TINAGL1: variants seen among roughly 807,000 people sequenced by gnomAD.
TINAGL1 encodes tubulointerstitial nephritis antigen like 1.
A neutral mutation model predicts 62.0 loss-of-function variants in TINAGL1; 34 were observed. That is an observed-to-expected ratio of 0.55 (90% CI 0.42 to 0.73). The LOEUF (loss-of-function observed/expected upper bound fraction) is 0.73, where lower values mean the gene tolerates loss of function less well. TINAGL1 is among the 30% of genes least tolerant of loss of function. TINAGL1 has a pLI of 0.00. For missense variants in TINAGL1, 516 were observed against 653.2 expected (o/e 0.79, Z 2.29); for synonymous variants, 221 against 249.7 (o/e 0.88, Z 1.08).
intron 10 of TINAGL1, 92 bp from the exon 11 acceptor site, chr1:31,586,618 A>G: frequency 6.7e-7 from 1 of 1,482,678 alleles, no homozygotes; most frequent in Non-Finnish European, 9.2e-7. Flanking sequence ...CTCCAAAGGC[A>G]ACTGGGGGCT....
chr1:31,580,323 C>A, intron 3 of TINAGL1: 1 of 1,271,484 alleles, frequency 7.9e-7, no homozygotes, highest in Non-Finnish European at 1.0e-6. Context: ...CTACCACCGG[C>A]CCTGCCTGGA....
chr1:31,579,164 C>G (rs372280082), intron 2 of TINAGL1, 40 bp from the exon 3 acceptor site: 10 of 1,577,094 alleles, frequency 6.3e-6, no homozygotes, highest in Non-Finnish European at 8.7e-6. Flanking sequence ...CCCATCCTCT[C>G]TGGTTCTGGT....
rs1453927434 is a variant in TINAGL1, at chr1:31,583,143, C to T, written c.375-6C>T. 1.2e-6 allele frequency: 2 copies of T among 1,613,962 alleles called. No homozygotes were observed. Among genetic ancestry groups the T allele is most frequent in the Non-Finnish European group, 1.7e-6 (2 of 1,179,954 alleles). ...TTACCCTTTCCTTCTCTCCTTTTCT[C>T]ACCAGCACCTGCCAGGAGAACAGGC... is the stretch of plus-strand genomic sequence containing the variant. On this transcript the variant is annotated splice_polypyrimidine_tract_variant and splice_region_variant and intron_variant, in intron 3 of 11. Coordinates refer to ENST00000271064, the MANE Select transcript of TINAGL1 (RefSeq NM_022164.3). This position sits in a 1 kb window ranked among gnomAD's most constrained non-coding sequence, Gnocchi z 4.4.
intron 2 of TINAGL1, chr1:31,578,069 C>T (rs1439150959): frequency 9.8e-6 from 8 of 819,930 alleles, no homozygotes; most frequent in Non-Finnish European, 1.2e-5. Flanking sequence ...TCCCACTCCC[C>T]ATCTCCAAGC....
In TINAGL1 at chr1:31,577,774, G is replaced by A. The variant is rs1450481455; in HGVS notation, c.310+316G>A. On this transcript the variant is annotated intron_variant, in intron 2 of 11. Transcript: ENST00000271064. The surrounding 1 kb of genome is among the most constrained non-coding windows in gnomAD (Gnocchi z 5.4). Reference sequence around the variant, plus strand: ...ATAAGGCACATATGGGTTGGTGAGGGTCATCTTAGCCATTTTTCTGCCTTT... The same window carrying A: ...ATAAGGCACATATGGGTTGGTGAGGATCATCTTAGCCATTTTTCTGCCTTT... 1 of 309,090 alleles carries A rather than the reference G, an allele frequency of 3.2e-6. No homozygotes were observed. Among genetic ancestry groups the A allele is most frequent in the Non-Finnish European group, 5.9e-6 (1 of 168,222 alleles). The allele number at this position is 309,090 out of a possible 1,614,324, so 19.1% of individuals were successfully genotyped here.
chr1:31,578,683 T>TGA (rs1469774929), intron 2 of TINAGL1, among the ~76,000 whole-genome samples: 1 of 133,436 alleles, frequency 7.5e-6, no homozygotes, highest in Admixed American at 7.4e-5. Context: ...TGTGTGTGTG[T>TGA]GATGTCTTCA....
At chr1:31,579,117 T>G in intron 2 of TINAGL1, 87 bp from the exon 3 acceptor site, 1 of 964,736 alleles carries the variant, frequency 1.0e-6, no homozygotes, top group South Asian at 1.4e-5. Flanking sequence ...CTTGGAAAGG[T>G]TCAAGGTACC....
chr1:31,577,217 G>C lies in TINAGL1; in HGVS notation c.69G>C (p.Gln23His). 6.2e-7 allele frequency: 1 copy of C among 1,601,472 alleles called. No individual in the cohort carries two copies. The highest frequency in any genetic ancestry group is 8.5e-7 in the Non-Finnish European group (1 of 1,175,286). ...CTGGCCACTTGGCTCTGGGTGCCCA[G>C]CAGGGTCGTGGGCGCCGGGAGCTAG... ...PLAGHLALGA[Q>H]QGRGRRELAP... Residue 23 changes from glutamine to histidine, a missense_variant, in exon 2 of 12, where the codon CAG (glutamine) becomes CAC (histidine). Transcript: ENST00000271064. The surrounding 1 kb of genome is among the most constrained non-coding windows in gnomAD (Gnocchi z 5.4).
intron 3 of TINAGL1, among the ~76,000 whole-genome samples, 186 bp from the exon 4 acceptor site, chr1:31,582,963 A>C (rs915787529): frequency 6.6e-6 from 1 of 152,132 alleles, no homozygotes; most frequent in African/African-American, 2.4e-5. Context: ...TGGGCCACAG[A>C]TATAAACTTG....
At chr1:31,581,367 G>A (rs921755226) in intron 3 of TINAGL1, among the ~76,000 whole-genome samples, 1 of 152,152 alleles carries the variant, frequency 6.6e-6, no homozygotes, top group Non-Finnish European at 1.5e-5. Context: ...GGTGATGAGG[G>A]ACGGGAGTAG....
chr1:31,584,720 G>T lies in TINAGL1; in HGVS notation c.625G>T (p.Ala209Ser). ...PGEVLPTAFEASEKWPNLIHE... is the reference protein window; with the variant it reads ...PGEVLPTAFESSEKWPNLIHE... Reference sequence around the variant, plus strand: ...GGAGGTGCTTCCCACAGCCTTCGAGGCCTCTGAGAAGTGGCCCAACCTGAT... The same window carrying T: ...GGAGGTGCTTCCCACAGCCTTCGAGTCCTCTGAGAAGTGGCCCAACCTGAT... Residue 209 changes from alanine (A) to serine (S), a missense_variant, in exon 6 of 12, where the codon GCC becomes TCC. Physicochemically the swap from Ala to Ser is moderately conservative, Grantham distance 99 (BLOSUM62 1). Coordinates refer to ENST00000271064, the MANE Select transcript of TINAGL1 (RefSeq NM_022164.3). The surrounding 1 kb of genome is among the most constrained non-coding windows in gnomAD (Gnocchi z 4.0). The T allele has an allele frequency of 3.1e-6, 5 of 1,614,172 alleles. No homozygotes were observed. The highest frequency in any genetic ancestry group is 4.2e-6 in the Non-Finnish European group (5 of 1,180,044).
At chr1:31,582,230 A>G (rs529471156) in intron 3 of TINAGL1, among the ~76,000 whole-genome samples, 1 of 151,804 alleles carries the variant, frequency 6.6e-6, no homozygotes, top group African/African-American at 2.4e-5. Context: ...TAGGAGGCTG[A>G]GGTGGGAGGG....
intron 3 of TINAGL1, chr1:31,580,370 G>A: frequency 7.8e-7 from 1 of 1,288,010 alleles, no homozygotes; most frequent in Non-Finnish European, 1.0e-6. Flanking sequence ...GGAGGAGATG[G>A]CAGGAAAGGA....
At chr1:31,579,590 G>A (rs763289128) in intron 3 of TINAGL1, among the ~76,000 whole-genome samples, 59 of 152,222 alleles carry the variant, frequency 3.9e-4, no homozygotes, top group Non-Finnish European at 6.8e-4. Context: ...GTCAGAGGGA[G>A]AAGGGGGCGC....
At position 31,584,100 on chromosome 1, in the gene TINAGL1, C is replaced by G. The variant is rs977955194; in HGVS notation, c.582+525C>G. The G allele has an allele frequency of 6.0e-6, 1 of 168,016 alleles. No individual in the cohort carries two copies. The highest frequency in any genetic ancestry group is 2.4e-5 in the African/African-American group (1 of 41,792). The allele number at this position is 168,016 out of a possible 1,614,324, so 10.4% of individuals were successfully genotyped here. A position where few individuals can be genotyped will look rare whatever the true frequency, so the allele number is the denominator to read the frequency against. ...AGCAGGCCTGGACCGGGACATGTGC[C>G]GGAGCATTTGTCCATCAGTGGCAGG... On this transcript the variant is annotated intron_variant, in intron 5 of 11. Coordinates refer to ENST00000271064, the MANE Select transcript of TINAGL1 (RefSeq NM_022164.3). The surrounding 1 kb of genome is among the most constrained non-coding windows in gnomAD (Gnocchi z 4.0).
At position 31,584,549 on chromosome 1, in the gene TINAGL1, G is replaced by A; in HGVS notation, c.583-129G>A. 6.9e-7 allele frequency: 1 copy of A among 1,446,890 alleles called. No homozygotes were observed. The highest frequency in any genetic ancestry group is 9.4e-7 in the Non-Finnish European group (1 of 1,058,788). 89.6% of individuals were successfully genotyped at this position (1,446,890 alleles called of 1,614,324 possible). A position where few individuals can be genotyped will look rare whatever the true frequency, so the allele number is the denominator to read the frequency against. Reference sequence around the variant, plus strand: ...CAAAATTGGAGGCAGCTGGAATCCTGCAGCAGCAGGAGGGCTCAAGATTAA... The same window carrying A: ...CAAAATTGGAGGCAGCTGGAATCCTACAGCAGCAGGAGGGCTCAAGATTAA... On this transcript the variant is annotated intron_variant, in intron 5 of 11. Transcript: ENST00000271064. The surrounding 1 kb of genome is among the most constrained non-coding windows in gnomAD (Gnocchi z 4.0).
Position 31,577,215 on chromosome 1 carries a change from C to G in TINAGL1, c.67C>G (p.Gln23Glu). ...GGCTGGCCACTTGGCTCTGGGTGCC[C>G]AGCAGGGTCGTGGGCGCCGGGAGCT... ...PLAGHLALGAQQGRGRRELAP... is the reference protein window; with the variant it reads ...PLAGHLALGAEQGRGRRELAP... The change falls in exon 2 of 12, where the codon CAG (glutamine) becomes GAG (glutamate). Residue 23 changes from glutamine to glutamate, a missense_variant. Physicochemically the swap from Gln to Glu is conservative, Grantham distance 29. Transcript: ENST00000271064. The surrounding 1 kb of genome is among the most constrained non-coding windows in gnomAD (Gnocchi z 5.4). 1 of 1,600,838 alleles carries G rather than the reference C, an allele frequency of 6.2e-7. No individual in the cohort carries two copies. The highest frequency in any genetic ancestry group is 8.5e-7 in the Non-Finnish European group (1 of 1,175,010).
chr1:31,585,934 G>A lies in TINAGL1; in HGVS notation c.1217+58G>A. The A allele has an allele frequency of 6.6e-7, 1 of 1,505,602 alleles. No homozygotes were observed. Among genetic ancestry groups the A allele is most frequent in the Non-Finnish European group, 8.9e-7 (1 of 1,123,820 alleles). The allele number at this position is 1,505,602 out of a possible 1,614,324, so 93.3% of individuals were successfully genotyped here. On this transcript the variant is annotated intron_variant, in intron 10 of 11. Transcript: ENST00000271064. This position sits in a 1 kb window ranked among gnomAD's most constrained non-coding sequence, Gnocchi z 4.3. Reference sequence around the variant, plus strand: ...CAGCAGGGTTTGTGCTAGGGGCTCTGGAGCCTGCCTTGGGTTCTTACAACC... The same window carrying A: ...CAGCAGGGTTTGTGCTAGGGGCTCTAGAGCCTGCCTTGGGTTCTTACAACC...
chr1:31,586,393 C>A (rs1639391791), intron 10 of TINAGL1: 15 of 511,138 alleles, frequency 2.9e-5, no homozygotes, highest in Non-Finnish European at 1.0e-5. Flanking sequence ...TGAGGGAGGG[C>A]AGGTGGATGT....
Sources: allele counts gnomAD v4.1 joint callset (sites outside exome capture counted in the v4.1 genomes callset), GRCh38; gene constraint gnomAD v4.1.1; non-coding constraint Gnocchi (gnomAD v3.1); transcripts MANE v1.5; gene names NCBI Gene and HGNC (gene_info 2026-07-23, HGNC 2026-07-21).